POTEE: variants seen among roughly 807,000 people sequenced by gnomAD.
POTEE encodes the protein ANKRD26-like family C member 1A.
Under a neutral mutation model 74.2 loss-of-function variants are expected in POTEE, and 21 were observed. That is an observed-to-expected ratio of 0.28 (90% CI 0.20 to 0.41). The LOEUF (loss-of-function observed/expected upper bound fraction) is 0.41, where lower values mean the gene tolerates loss of function less well. Among genes scored for constraint, POTEE ranks in the 10% least tolerant of loss-of-function variants. POTEE has a pLI of 1.00. For synonymous variants in POTEE, 211 were observed against 432.8 expected (o/e 0.49, Z 6.36); for missense variants, 525 against 1,158.6 (o/e 0.45, Z 7.94).
At chr2:131,232,919 A>G (rs1452736996) in intron 9 of POTEE, among the ~76,000 whole-genome samples, 1 of 151,932 alleles carries the variant, frequency 6.6e-6, no homozygotes, top group African/African-American at 2.4e-5. Flanking sequence ...GGCTTCCTGT[A>G]ACATTTCACT....
intron 6 of POTEE, 103 bp from the exon 7 acceptor site, chr2:131,226,719 TC>T (rs1700790448): frequency 6.4e-7 from 1 of 1,555,668 alleles, no homozygotes. Flanking sequence ...TTATTTACTT[TC>T]TATGCGTGTA....
chr2:131,234,261 A>T (rs67384034), intron 9 of POTEE, among the ~76,000 whole-genome samples: 1 of 151,670 alleles, frequency 6.6e-6, no homozygotes, highest in African/African-American at 2.4e-5. Flanking sequence ...AGCAAGGAGC[A>T]TATGAAGGCA....
At chr2:131,212,690 G>A (rs181633522) in intron 2 of POTEE, among the ~76,000 whole-genome samples, 21 of 150,364 alleles carry the variant, frequency 1.4e-4, no homozygotes, top group Admixed American at 1.0e-3. Context: ...TCAGCCTCCC[G>A]AGTAACTGGG....
intron 9 of POTEE, 79 bp downstream of exon 9, chr2:131,230,985 A>C: frequency 7.0e-7 from 1 of 1,433,772 alleles, no homozygotes; most frequent in African/African-American, 1.4e-5. Flanking sequence ...TGTGGAAGAC[A>C]ATTTTTCCAT....
chr2:131,219,488 C>G (rs1445323768), intron 4 of POTEE, among the ~76,000 whole-genome samples: 1 of 152,074 alleles, frequency 6.6e-6, no homozygotes, highest in African/African-American at 2.4e-5. Context: ...CGCCTGTAAT[C>G]CCAGCACTTT....
chr2:131,218,987 C>A (rs1358916409), intron 4 of POTEE, 64 bp downstream of exon 4: 2 of 1,594,208 alleles, frequency 1.3e-6, no homozygotes, highest in Admixed American at 1.7e-5. Flanking sequence ...ACCCTCCTGG[C>A]GGGGGAGGAG....
At chr2:131,235,520 G>A (rs2105100043) in intron 9 of POTEE, among the ~76,000 whole-genome samples, 1 of 152,170 alleles carries the variant, frequency 6.6e-6, no homozygotes, top group Admixed American at 6.5e-5. Flanking sequence ...ATAAGGACAA[G>A]TGTGGTGGCT....
At chr2:131,216,088 A>G (rs867981083) in intron 2 of POTEE, among the ~76,000 whole-genome samples, 2 of 152,160 alleles carry the variant, frequency 1.3e-5, no homozygotes, top group Middle Eastern at 6.8e-3. Context: ...TATAATAGCA[A>G]CAAAACAAAT....
intron 4 of POTEE, among the ~76,000 whole-genome samples, chr2:131,221,253 T>C (rs1700608178): frequency 1.3e-5 from 2 of 152,072 alleles, no homozygotes; most frequent in Non-Finnish European, 1.5e-5. Flanking sequence ...CAAATTTCAG[T>C]GCATCCATAG....
chr2:131,230,586 T>G (rs997615870), intron 8 of POTEE, among the ~76,000 whole-genome samples: 2 of 152,204 alleles, frequency 1.3e-5, no homozygotes, highest in Non-Finnish European at 2.9e-5. Context: ...TATTATGTCA[T>G]GCTAATGCTA....
Position 131,263,995 on chromosome 2 carries a change from G to T in POTEE, c.2540G>T (p.Arg847Leu). The change falls in exon 18 of 18, where the codon CGT (arginine) becomes CTT (leucine). Residue 847 changes from arginine to leucine, a missense_variant. Coordinates refer to ENST00000683005, the MANE Select transcript of POTEE (RefSeq NM_001083538.3). ...GTGCCGTCCCTGTACACCTCTGGCC[G>T]TACTACTGGCATCGTGATGGACTCT... Reference protein sequence around the residue: ...QAVPSLYTSGRTTGIVMDSGD... With the variant: ...QAVPSLYTSGLTTGIVMDSGD... 6.2e-7 allele frequency: 1 copy of T among 1,614,204 alleles called. No individual in the cohort carries two copies. The highest frequency in any genetic ancestry group is 8.5e-7 in the Non-Finnish European group (1 of 1,180,038).
chr2:131,254,491 GCTAA>G (rs1192675361), intron 16 of POTEE, among the ~76,000 whole-genome samples: 14 of 71,434 alleles, frequency 2.0e-4, no homozygotes, highest in African/African-American at 6.2e-4. Context: ...ATCACACCCA[GCTAA>G]CTGACACTAT....
chr2:131,263,368 G>T lies in POTEE; in HGVS notation c.1913G>T (p.Cys638Phe), dbSNP rs1424828621. ...TTGTTTACTTAGCTTTCTCTTAGTT[G>T]TAAGAAAGAAAAAGACGTCTTGCAT... ...EKMNSELSLS[C>F]KKEKDVLHEN... The change falls in exon 18 of 18, where the codon TGT becomes TTT. Residue 638 changes from cysteine to phenylalanine, a missense_variant. Coordinates refer to ENST00000683005, the MANE Select transcript of POTEE (RefSeq NM_001083538.3). 3 of 1,611,268 alleles carry T rather than the reference G, an allele frequency of 1.9e-6. No homozygotes were observed. In the Admixed American group the frequency reaches 5.0e-5, roughly 27 times the overall value.
chr2:131,211,139 C>T lies in POTEE; in HGVS notation c.-233C>T, dbSNP rs1298436385. ...TGTGGCGTGACTCTGCAGCTCGCCT[C>T]GTGTGACTGATGGCAGCCACGGAGA... On this transcript the variant is annotated 5_prime_UTR_variant, in exon 2 of 18. Coordinates refer to ENST00000683005, the MANE Select transcript of POTEE (RefSeq NM_001083538.3). Among the ~76,000 whole-genome samples, 7 of 151,918 alleles carry T rather than the reference C, an allele frequency of 4.6e-5. No homozygotes were observed. The highest frequency in any genetic ancestry group is 7.4e-5 in the Non-Finnish European group (5 of 68,008).
At chr2:131,224,113 C>T (rs1700710087) in intron 6 of POTEE, 70 bp downstream of exon 6, 2 of 1,337,436 alleles carry the variant, frequency 1.5e-6, no homozygotes, top group Non-Finnish European at 2.0e-6. Flanking sequence ...TGTGTAAGGG[C>T]CAGTCTTCCA....
intron 8 of POTEE, among the ~76,000 whole-genome samples, chr2:131,228,987 T>G (rs538937108): frequency 1.3e-3 from 197 of 148,264 alleles, no homozygotes; most frequent in African/African-American, 4.6e-3. Flanking sequence ...TACAGTGACT[T>G]TGATGTTTTT....
intron 7 of POTEE, among the ~76,000 whole-genome samples, 174 bp downstream of exon 7, chr2:131,227,103 A>AG (rs1440855067): frequency 2.0e-5 from 3 of 150,722 alleles, no homozygotes; most frequent in Admixed American, 2.0e-4. Flanking sequence ...GAACAGTTTT[A>AG]GTAGGATTCA....
intron 2 of POTEE, among the ~76,000 whole-genome samples, chr2:131,214,479 TTG>T (rs750411780): frequency 5.9e-4 from 90 of 152,264 alleles, no homozygotes; most frequent in Non-Finnish European, 1.1e-3. Context: ...TCTGTGGAAG[TTG>T]TGTTATGGTT....
chr2:131,253,258 G>GT (rs1270201507), intron 16 of POTEE, among the ~76,000 whole-genome samples, 159 bp downstream of exon 16: 6 of 148,424 alleles, frequency 4.0e-5, no homozygotes, highest in Non-Finnish European at 6.0e-5. Flanking sequence ...ATCAGTTACC[G>GT]TTTTTTTTCC....
Sources: allele counts gnomAD v4.1 joint callset (sites outside exome capture counted in the v4.1 genomes callset), GRCh38; gene constraint gnomAD v4.1.1; transcripts MANE v1.5; gene names NCBI Gene and HGNC (gene_info 2026-07-23, HGNC 2026-07-21).